The following OXNAD1 variants were observed in gnomAD, a reference collection of about 807,000 sequenced individuals.
OXNAD1 encodes the protein oxidoreductase NAD binding domain containing 1.
In OXNAD1, 34 loss-of-function variants were observed where a neutral mutation model predicts 32.9. The observed-to-expected ratio is 1.03, with a 90% CI of 0.79 to 1.38. OXNAD1 has a LOEUF of 1.38. OXNAD1 is among the 40% of genes most tolerant of loss of function. The probability of loss-of-function intolerance (pLI) is 0.00; values close to 1 mark genes in which losing one functional copy is unlikely to be tolerated. For synonymous variants in OXNAD1, 134 were observed against 135.2 expected, an observed-to-expected ratio of 0.99 and a Z score of 0.06; for missense variants, 407 against 379.4, an observed-to-expected ratio of 1.07 and a Z score of -0.60.
rs374278588 is a variant in OXNAD1 at position 16,288,230 on chromosome 3, G to A, written c.290+1782G>A. Reference sequence around the variant, plus strand: ...ATCAGCTTGGTAGTAACAGCCATGTGGTACTTTGGAGAAGAGGGCAAGGAT... The same window carrying A: ...ATCAGCTTGGTAGTAACAGCCATGTAGTACTTTGGAGAAGAGGGCAAGGAT... On this transcript the variant is annotated intron_variant, in intron 5 of 8. Coordinates refer to ENST00000285083, the MANE Select transcript of OXNAD1 (RefSeq NM_138381.5). This position sits in a 1 kb window ranked among gnomAD's most constrained non-coding sequence, Gnocchi z 5.1. 7.9e-4 allele frequency among the ~76,000 whole-genome samples: 120 copies of A among 152,272 alleles called. 1 individual carries two copies. The South Asian group carries it at 0.024, about 31-fold the overall frequency.
In OXNAD1 at chr3:16,305,163, G is replaced by A. The variant is rs1424594198; in HGVS notation, c.*1601G>A. 1 of 152,336 alleles carries A rather than the reference G, an allele frequency of 6.6e-6. No individual in the cohort carries two copies. The highest frequency in any genetic ancestry group is 2.4e-5 in the African/African-American group (1 of 41,420). The allele number at this position is 152,336 out of a possible 1,614,324, so 9.4% of individuals were successfully genotyped here. ...GATGCAAGGATGTGGGATTATCAAG[G>A]GGCACGTCTACTAACTGGTGAAGGC... On this transcript the variant is annotated 3_prime_UTR_variant, in exon 9 of 9. Transcript: ENST00000285083. The surrounding 1 kb of genome is among the most constrained non-coding windows in gnomAD (Gnocchi z 4.5).
chr3:16,315,975 T>G (rs1039969395), intron 9 of OXNAD1: 2 of 152,214 alleles, frequency 1.3e-5, no homozygotes, highest in African/African-American at 4.8e-5. Flanking sequence ...ACCTAAAGCC[T>G]TAATACTTTC....
downstream of OXNAD1, among the ~76,000 whole-genome samples, chr3:16,307,423 ATAGAGG>A (rs2067638361): frequency 6.6e-6 from 1 of 152,158 alleles, no homozygotes; most frequent in Admixed American, 6.6e-5. Context: ...AAAGTGTTTC[ATAGAGG>A]ATGGATTGGC....
downstream of OXNAD1, among the ~76,000 whole-genome samples, chr3:16,341,691 T>G (rs559252182): frequency 1.3e-5 from 2 of 152,174 alleles, no homozygotes; most frequent in East Asian, 3.9e-4. This position sits in a 1 kb window ranked among gnomAD's most constrained non-coding sequence, Gnocchi z 4.7. Flanking sequence ...AGCAAGAAAA[T>G]TGAAGTCAGC....
At position 16,325,281 on chromosome 3, in the gene OXNAD1, G is replaced by C. The variant is rs376989400; in HGVS notation, c.*31-11831G>C. Among the ~76,000 whole-genome samples, 116 of 152,098 alleles carry C rather than the reference G, an allele frequency of 7.6e-4. 2 individuals are homozygous for C. The South Asian group carries it at 0.017, about 23-fold the overall frequency. On this transcript the variant is annotated intron_variant, in intron 9 of 9. Coordinates refer to the OXNAD1 transcript ENST00000435829. ...AAGAGCAGGCTGGAGATCACACAGT[G>C]AGGATTCAAACACAGATCTACCCAG... is the stretch of plus-strand genomic sequence containing the variant.
At chr3:16,291,448 A>C (rs906428908) in intron 5 of OXNAD1, among the ~76,000 whole-genome samples, 15 of 152,248 alleles carry the variant, frequency 9.9e-5, no homozygotes, top group Non-Finnish European at 1.5e-4. Context: ...GATGACCACT[A>C]ATCTATTTTG....
chr3:16,317,355 C>T lies in OXNAD1; in HGVS notation c.*30+13763C>T. On this transcript the variant is annotated intron_variant, in intron 9 of 9. Coordinates refer to the OXNAD1 transcript ENST00000435829. The surrounding 1 kb of genome is among the most constrained non-coding windows in gnomAD (Gnocchi z 4.3). ...TGAGACATACAATTCCCAGCATCCCCCAGCCAGGCAGTACAGGCACCAAAC... is the reference window on the plus strand; with the variant it reads ...TGAGACATACAATTCCCAGCATCCCTCAGCCAGGCAGTACAGGCACCAAAC... The T allele has an allele frequency of 1.9e-6, 2 of 1,051,822 alleles. No individual in the cohort carries two copies. Among genetic ancestry groups the T allele is most frequent in the South Asian group, 1.5e-5 (1 of 67,896 alleles). 65.2% of individuals were successfully genotyped at this position (1,051,822 alleles called of 1,614,324 possible). A position where few individuals can be genotyped will look rare whatever the true frequency, so the allele number is the denominator to read the frequency against.
At position 16,317,481 on chromosome 3, in the gene OXNAD1, G is replaced by C. The variant is rs941697913; in HGVS notation, c.*30+13889G>C. Among the ~76,000 whole-genome samples the C allele has an allele frequency of 6.6e-6, 1 of 152,142 alleles. No homozygotes were observed. The highest frequency in any genetic ancestry group is 6.5e-5 in the Admixed American group (1 of 15,280). ...AGATTTCAGGTTCTGTTGGGGCAGA[G>C]CAGTATTTCTTTTGACTGGCTCTAT... On this transcript the variant is annotated intron_variant, in intron 9 of 9. Transcript: ENST00000435829. The surrounding 1 kb of genome is among the most constrained non-coding windows in gnomAD (Gnocchi z 4.3).
intron 9 of OXNAD1, among the ~76,000 whole-genome samples, chr3:16,313,039 G>A (rs1377293589): frequency 6.8e-6 from 1 of 147,948 alleles, no homozygotes; most frequent in Non-Finnish European, 1.5e-5. Flanking sequence ...TAACGCCCAT[G>A]TCAAGATCCA....
rs779781080 is a variant in OXNAD1, at chr3:16,271,043, A to G, written c.91A>G (p.Ser31Gly). The change falls in exon 3 of 9, where the codon AGC (serine) becomes GGC (glycine). Residue 31 changes from serine (S) to glycine (G), a missense_variant. Physicochemically the swap from Ser to Gly is moderately conservative, Grantham distance 56. Coordinates refer to ENST00000285083, the MANE Select transcript of OXNAD1 (RefSeq NM_138381.5). This position sits in a 1 kb window ranked among gnomAD's most constrained non-coding sequence, Gnocchi z 4.6. ...IEAASLRLTL[S>G]TLRHLTLTSI... The stretch of plus-strand genomic sequence containing the variant: ...GGCTGCGTCACTGAGATTGACACTC[A>G]GCACTTTGCGCCACCTTACTCTAAC... 1 of 1,614,142 alleles carries G rather than the reference A, an allele frequency of 6.2e-7. No individual in the cohort carries two copies. Among genetic ancestry groups the G allele is most frequent in the South Asian group, 1.1e-5 (1 of 91,078 alleles).
rs917993617 is a variant in OXNAD1, at chr3:16,348,670, G to A, written c.*31-506G>A. Among the ~76,000 whole-genome samples, 4 of 152,112 alleles carry A rather than the reference G, an allele frequency of 2.6e-5. No homozygotes were observed. Among genetic ancestry groups the A allele is most frequent in the African/African-American group, 9.7e-5 (4 of 41,424 alleles). On this transcript the variant is annotated intron_variant, in intron 9 of 9. Transcript: ENST00000606098. This position sits in a 1 kb window ranked among gnomAD's most constrained non-coding sequence, Gnocchi z 6.3. ...ATGCCCCTTTGCATCCTTGTTCCTG[G>A]GCATCAAAAAGTAGTCACTCTCTTT...
rs905197400 is a variant in OXNAD1, at chr3:16,327,482, G to A, written c.*31-9630G>A. Among the ~76,000 whole-genome samples the A allele has an allele frequency of 7.2e-5, 11 of 151,918 alleles. No individual in the cohort carries two copies. The highest frequency in any genetic ancestry group is 1.9e-4 in the East Asian group (1 of 5,166). On this transcript the variant is annotated intron_variant, in intron 9 of 9. Coordinates refer to the OXNAD1 transcript ENST00000435829. This position sits in a 1 kb window ranked among gnomAD's most constrained non-coding sequence, Gnocchi z 4.2. ...TCAGTTAAAAAACTCAGCCCCGGCC[G>A]GGTGCTGTGGCTCACGTCTGTAATC... is the stretch of plus-strand genomic sequence containing the variant.
chr3:16,269,045 C>T, intron 1 of OXNAD1, 81 bp from the exon 2 acceptor site: 2 of 1,287,124 alleles, frequency 1.6e-6, no homozygotes, highest in Non-Finnish European at 2.0e-6. Context: ...TTTAATGAGC[C>T]TTTCCTTTGG....
chr3:16,278,197 G>A (rs569047488), intron 4 of OXNAD1, among the ~76,000 whole-genome samples: 1 of 152,210 alleles, frequency 6.6e-6, no homozygotes, highest in Non-Finnish European at 1.5e-5. Flanking sequence ...TGATAGATAA[G>A]CTCCTATCCT....
intron 4 of OXNAD1, chr3:16,272,069 C>G: frequency 2.2e-6 from 1 of 450,370 alleles, no homozygotes; most frequent in Non-Finnish European, 4.1e-6. Flanking sequence ...GCTTACCTTT[C>G]TCTGTTTTTT....
rs1198050059 is a variant in OXNAD1, at chr3:16,305,747, G to A, written c.*2185G>A. The A allele has an allele frequency of 2.0e-5, 3 of 152,160 alleles. No individual in the cohort carries two copies. Among genetic ancestry groups the A allele is most frequent in the Non-Finnish European group, 4.4e-5 (3 of 68,030 alleles). The allele number at this position is 152,160 out of a possible 1,614,324, so 9.4% of individuals were successfully genotyped here. A position where few individuals can be genotyped will look rare whatever the true frequency, so the allele number is the denominator to read the frequency against. ...TGAGCAAGTCACTTAACTGCTCTATGCCTCATTTAAAATTACATACAACTA... is the reference window on the plus strand; with the variant it reads ...TGAGCAAGTCACTTAACTGCTCTATACCTCATTTAAAATTACATACAACTA... On this transcript the variant is annotated 3_prime_UTR_variant, in exon 9 of 9. Transcript: ENST00000285083. This position sits in a 1 kb window ranked among gnomAD's most constrained non-coding sequence, Gnocchi z 4.5.
At chr3:16,328,857 T>C (rs1249024911) in intron 9 of OXNAD1, among the ~76,000 whole-genome samples, 2 of 152,234 alleles carry the variant, frequency 1.3e-5, no homozygotes. Context: ...CTATCAGCTG[T>C]TGCCTCAAAT....
Position 16,302,070 on chromosome 3 carries a change from G to T in OXNAD1, c.675+202G>T, listed in dbSNP as rs1157411577. On this transcript the variant is annotated intron_variant, in intron 7 of 8. Transcript: ENST00000285083. This position sits in a 1 kb window ranked among gnomAD's most constrained non-coding sequence, Gnocchi z 4.2. Reference sequence around the variant, plus strand: ...TAGTGTTGAAGAGGCTAGCAGTTAGGTGACAGGAAAGGGTAGGTTTTGGTG... The same window carrying T: ...TAGTGTTGAAGAGGCTAGCAGTTAGTTGACAGGAAAGGGTAGGTTTTGGTG... Among the ~76,000 whole-genome samples the T allele has an allele frequency of 6.6e-6, 1 of 152,188 alleles. No homozygotes were observed. Among genetic ancestry groups the T allele is most frequent in the African/African-American group, 2.4e-5 (1 of 41,446 alleles).
At position 16,345,788 on chromosome 3, in the gene OXNAD1, C is replaced by CTGTCTGTGTG. The variant is rs765619275; in HGVS notation, c.*31-3385_*31-3384insCTGTGTGTGT. On this transcript the variant is annotated intron_variant, in intron 9 of 9. Transcript: ENST00000606098. The surrounding 1 kb of genome is among the most constrained non-coding windows in gnomAD (Gnocchi z 5.2). Reference sequence around the variant, plus strand: ...TGAGCCAAAACCTTATAATAAATCTCTGTGTGTGTGTGTGTGTGTGTGTGT... The same window carrying CTGTCTGTGTG: ...TGAGCCAAAACCTTATAATAAATCTCTGTCTGTGTGTGTGTGTGTGTGTGTGTGTGTGTGT... Among the ~76,000 whole-genome samples, 1,586 of 126,768 alleles carry CTGTCTGTGTG rather than the reference C, an allele frequency of 0.013. 10 individuals carry two copies. Among genetic ancestry groups the CTGTCTGTGTG allele is most frequent in the Admixed American group, 0.032 (403 of 12,778 alleles). The allele number at this position is 126,768 out of a possible 152,430, so 83.2% of individuals were successfully genotyped here. A position where few individuals can be genotyped will look rare whatever the true frequency, so the allele number is the denominator to read the frequency against.
Sources: gnomAD v4.1 joint callset for allele counts (sites outside exome capture counted in the v4.1 genomes callset) on GRCh38, gnomAD v4.1.1 for gene constraint, Gnocchi (gnomAD v3.1) non-coding constraint, MANE v1.5 for transcripts, NCBI Gene and HGNC (gene_info 2026-07-23, HGNC 2026-07-21) for gene names.